APP: variants seen among roughly 807,000 people sequenced by gnomAD.
APP encodes amyloid-beta precursor protein.
Under a neutral mutation model 101.4 loss-of-function variants are expected in APP, and 31 were observed. The observed-to-expected ratio is 0.31, with a 90% CI of 0.23 to 0.41. The LOEUF is 0.41. Ranked by LOEUF, APP falls within the 10% of genes least tolerant of loss-of-function variation. APP has a pLI of 1.00. For synonymous variants in APP, 366 were observed against 364.4 expected (o/e 1.00, Z -0.05); for missense variants, 839 against 1,003.7 (o/e 0.84, Z 2.22).
At chr21:26,166,924 G>A (rs1355031977) in intron 1 of APP, among the ~76,000 whole-genome samples, 1 of 113,670 alleles carries the variant, frequency 8.8e-6, no homozygotes. Context: ...GAAAGAGACA[G>A]AGGGTGTGTG....
chr21:26,170,096 C>T (rs1302508747), intron 1 of APP, among the ~76,000 whole-genome samples: 1 of 152,124 alleles, frequency 6.6e-6, no homozygotes, highest in East Asian at 1.9e-4. Flanking sequence ...TGGGCTGTCC[C>T]GACTCCTCCT....
At chr21:26,098,222 A>G (rs911621535) in intron 2 of APP, among the ~76,000 whole-genome samples, 2 of 150,058 alleles carry the variant, frequency 1.3e-5, no homozygotes, top group South Asian at 4.2e-4. Context: ...TTAAAAGCTT[A>G]TCATCGGTAG....
At chr21:26,058,877 C>T (rs45487091) in intron 3 of APP, among the ~76,000 whole-genome samples, 13 of 151,998 alleles carry the variant, frequency 8.6e-5, no homozygotes, top group Non-Finnish European at 1.6e-4. Context: ...GTCAGGAGAT[C>T]GAGACCATCC....
At chr21:26,062,429 G>A (rs1438874294) in intron 3 of APP, among the ~76,000 whole-genome samples, 1 of 152,006 alleles carries the variant, frequency 6.6e-6, no homozygotes, top group Non-Finnish European at 1.5e-5. Context: ...TTGGGAGGCC[G>A]AGGCAAGTGG....
At chr21:26,150,739 A>G (rs2063252218) in intron 1 of APP, among the ~76,000 whole-genome samples, 1 of 152,218 alleles carries the variant, frequency 6.6e-6, no homozygotes, top group Non-Finnish European at 1.5e-5. Context: ...AATGCTTGGC[A>G]TAGTGTTGGT....
chr21:25,944,702 G>A (rs2040729608), intron 13 of APP, among the ~76,000 whole-genome samples: 1 of 152,136 alleles, frequency 6.6e-6, no homozygotes, highest in South Asian at 2.1e-4. Flanking sequence ...AAACATCACT[G>A]ATTTTTTTCC....
intron 13 of APP, among the ~76,000 whole-genome samples, chr21:25,950,238 A>T (rs1441181776): frequency 6.6e-6 from 1 of 152,232 alleles, no homozygotes; most frequent in Non-Finnish European, 1.5e-5. Context: ...TTAGTTGGTT[A>T]CATGGTTGTC....
At chr21:26,119,152 G>C (rs1384421281) in intron 1 of APP, among the ~76,000 whole-genome samples, 2 of 152,120 alleles carry the variant, frequency 1.3e-5, no homozygotes, top group Non-Finnish European at 2.9e-5. Flanking sequence ...TTATTCCAAA[G>C]CACATGCTTG....
chr21:25,988,348 C>T (rs946184736), intron 8 of APP, among the ~76,000 whole-genome samples: 1 of 151,990 alleles, frequency 6.6e-6, no homozygotes, highest in African/African-American at 2.4e-5. Flanking sequence ...TGTGATGGGG[C>T]GTTTTGTTGA....
chr21:26,117,330 G>C (rs551291983), intron 1 of APP, among the ~76,000 whole-genome samples: 1 of 152,354 alleles, frequency 6.6e-6, no homozygotes, highest in East Asian at 1.9e-4. Flanking sequence ...CAAATGTAAA[G>C]AACTATTTTC....
At chr21:25,933,825 T>C (rs1316838256) in intron 13 of APP, 1 of 152,192 alleles carries the variant, frequency 6.6e-6, no homozygotes, top group African/African-American at 2.4e-5. Context: ...AGGTCATAAA[T>C]TTAAGACATG....
intron 3 of APP, among the ~76,000 whole-genome samples, chr21:26,083,824 T>C (rs913356753): frequency 6.6e-6 from 1 of 152,202 alleles, no homozygotes; most frequent in African/African-American, 2.4e-5. Flanking sequence ...TCAAAAGTTA[T>C]CGTTTCTTTT....
At chr21:26,137,169 C>CAA (rs1379651106) in intron 1 of APP, among the ~76,000 whole-genome samples, 1 of 152,176 alleles carries the variant, frequency 6.6e-6, no homozygotes, top group Non-Finnish European at 1.5e-5. Flanking sequence ...ATCAAGTGAT[C>CAA]CGCCCACCTC....
intron 11 of APP, among the ~76,000 whole-genome samples, chr21:25,974,359 T>C (rs993847521): frequency 6.6e-6 from 1 of 152,144 alleles, no homozygotes; most frequent in Admixed American, 6.5e-5. Context: ...CCCCAATTCA[T>C]ATGTTGAAAC....
intron 3 of APP, 85 bp from the exon 4 acceptor site, chr21:26,053,433 C>T: frequency 9.8e-7 from 1 of 1,024,296 alleles, no homozygotes; most frequent in South Asian, 1.3e-5. Context: ...AGATAGACTT[C>T]AAGACAAGTT....
intron 11 of APP, among the ~76,000 whole-genome samples, chr21:25,965,177 T>C (rs550766704): frequency 3.3e-5 from 5 of 152,162 alleles, no homozygotes; most frequent in Non-Finnish European, 7.4e-5. Context: ...AGTCAAACAG[T>C]GAAACATGTG....
intron 4 of APP, 144 bp from the exon 5 acceptor site, chr21:26,051,337 A>C (rs1431054938): frequency 2.2e-6 from 2 of 890,446 alleles, no homozygotes; most frequent in East Asian, 5.3e-5. Context: ...TTTTGAGTGA[A>C]TTTACAACAG....
chr21:26,007,852 T>A (rs1275122643), intron 6 of APP, among the ~76,000 whole-genome samples: 1 of 152,184 alleles, frequency 6.6e-6, no homozygotes, highest in Non-Finnish European at 1.5e-5. Flanking sequence ...AAAAACATGT[T>A]TAGAAAATTA....
At chr21:25,912,337 G>A (rs1245862007) in intron 13 of APP, among the ~76,000 whole-genome samples, 5 of 152,158 alleles carry the variant, frequency 3.3e-5, no homozygotes, top group East Asian at 1.9e-4. Context: ...AGGAATAAAC[G>A]CCAGGCTTTG....
Sources: allele counts gnomAD v4.1 joint callset (sites outside exome capture counted in the v4.1 genomes callset), GRCh38; gene constraint gnomAD v4.1.1; transcripts MANE v1.5; gene names NCBI Gene and HGNC (gene_info 2026-07-23, HGNC 2026-07-21).